RAD51B: variants seen among roughly 807,000 people sequenced by gnomAD.
The protein encoded by RAD51B is RAD51 paralog B.
In RAD51B, 38 loss-of-function variants were observed where a neutral mutation model predicts 42.2. The ratio of observed to expected loss-of-function variants is 0.90; its 90% confidence interval spans 0.70 to 1.18. The LOEUF (loss-of-function observed/expected upper bound fraction) is 1.18. RAD51B is among the 50% of genes most tolerant of loss of function. The pLI, the probability that RAD51B is intolerant of heterozygous loss-of-function variation, is 0.00. For synonymous variants in RAD51B, 154 were observed against 145.2 expected (o/e 1.06, Z -0.43); for missense variants, 373 against 400.7 (o/e 0.93, Z 0.59).
chr14:68,562,342 A>G (rs1455864648), intron 10 of RAD51B: 2 of 985,290 alleles, frequency 2.0e-6, no homozygotes, highest in East Asian at 1.1e-4. Flanking sequence ...ACAGGGTGAG[A>G]CAGGGAGTTT....
At chr14:68,062,392 G>A (rs908448594) in intron 7 of RAD51B, among the ~76,000 whole-genome samples, 13 of 152,128 alleles carry the variant, frequency 8.5e-5, no homozygotes, top group African/African-American at 2.7e-4. Flanking sequence ...TTGGTATCAG[G>A]GTAATGCTGG....
At chr14:68,550,211 A>G (rs1271325328) in intron 10 of RAD51B, among the ~76,000 whole-genome samples, 1 of 152,198 alleles carries the variant, frequency 6.6e-6, no homozygotes, top group Non-Finnish European at 1.5e-5. Context: ...CCTCCTGGAA[A>G]TGTGGACATG....
Position 68,564,813 on chromosome 14 carries a change from C to T in RAD51B, c.1037-29672C>T, listed in dbSNP as rs115053271. 9.4e-3 allele frequency among the ~76,000 whole-genome samples: 1,430 copies of T among 152,272 alleles called. 19 individuals carry two copies. Among genetic ancestry groups the T allele is most frequent in the African/African-American group, 0.032 (1,319 of 41,540 alleles). On this transcript the variant is annotated intron_variant, in intron 10 of 10. Transcript: ENST00000487270. ...GGCTGGCATCTCCCACTGAAAGAGCCGGGTCGCAGAGACACACTCAACAAG... is the reference window on the plus strand; with the variant it reads ...GGCTGGCATCTCCCACTGAAAGAGCTGGGTCGCAGAGACACACTCAACAAG...
intron 7 of RAD51B, among the ~76,000 whole-genome samples, chr14:67,896,684 G>A (rs1477861098): frequency 6.6e-6 from 1 of 152,080 alleles, no homozygotes; most frequent in Non-Finnish European, 1.5e-5. Flanking sequence ...TGAGAGTTTG[G>A]TCAAAGGATA....
intron 8 of RAD51B, among the ~76,000 whole-genome samples, chr14:68,407,002 C>A (rs2084294040): frequency 6.6e-6 from 1 of 152,168 alleles, no homozygotes; most frequent in Non-Finnish European, 1.5e-5. Context: ...AAGCTGTCAT[C>A]TCCTATGATA....
chr14:68,484,195 C>G (rs552604197), intron 10 of RAD51B, among the ~76,000 whole-genome samples: 75 of 152,280 alleles, frequency 4.9e-4, no homozygotes, highest in Admixed American at 4.9e-3. Flanking sequence ...CTCAAGTACA[C>G]AAGCTGCTTC....
At chr14:68,395,635 A>T (rs1416972329) in intron 8 of RAD51B, among the ~76,000 whole-genome samples, 1 of 152,134 alleles carries the variant, frequency 6.6e-6, no homozygotes, top group Non-Finnish European at 1.5e-5. Context: ...ATTTAGAGCC[A>T]GGGCTTCTGT....
chr14:68,187,976 A>G (rs2079190046), intron 7 of RAD51B, among the ~76,000 whole-genome samples: 1 of 151,956 alleles, frequency 6.6e-6, no homozygotes, highest in Non-Finnish European at 1.5e-5. Flanking sequence ...CACGATGGCC[A>G]GCTAATTTTT....
intron 7 of RAD51B, among the ~76,000 whole-genome samples, chr14:68,030,754 G>A (rs1177188308): frequency 1.3e-5 from 2 of 152,142 alleles, no homozygotes; most frequent in East Asian, 1.9e-4. Context: ...GTTTGGTGCA[G>A]GAAGCCTAGC....
At chr14:68,661,313 C>T (rs766897290) in intron 11 of RAD51B, among the ~76,000 whole-genome samples, 5 of 152,208 alleles carry the variant, frequency 3.3e-5, no homozygotes, top group Non-Finnish European at 7.3e-5. Flanking sequence ...AGGAGACAGA[C>T]CAGAGCAGTA....
At chr14:67,824,600 A>AT (rs568457286) in intron 2 of RAD51B, among the ~76,000 whole-genome samples, 14 of 149,974 alleles carry the variant, frequency 9.3e-5, no homozygotes, top group South Asian at 2.1e-4. Context: ...GCATTCTGCA[A>AT]TTTTTTTTTT....
chr14:68,120,813 A>T (rs1180241554), intron 7 of RAD51B, among the ~76,000 whole-genome samples: 2 of 152,064 alleles, frequency 1.3e-5, no homozygotes, highest in African/African-American at 4.8e-5. Context: ...TTCATTAAGG[A>T]TTGGCAACTG....
chr14:68,662,241 A>T (rs1892947925), intron 11 of RAD51B, among the ~76,000 whole-genome samples: 1 of 152,214 alleles, frequency 6.6e-6, no homozygotes, highest in Admixed American at 6.5e-5. Context: ...CAGTCAACAC[A>T]CACCCCTGAG....
intron 7 of RAD51B, among the ~76,000 whole-genome samples, chr14:68,273,655 C>T (rs2081164793): frequency 6.6e-6 from 1 of 152,106 alleles, no homozygotes. Context: ...CCTGGCAACC[C>T]TGATTAGGTT....
At chr14:68,349,448 C>G (rs1254417667) in intron 8 of RAD51B, among the ~76,000 whole-genome samples, 1 of 152,102 alleles carries the variant, frequency 6.6e-6, no homozygotes, top group Non-Finnish European at 1.5e-5. Context: ...CTCACTGCAA[C>G]CTCCGCCTCC....
At chr14:68,563,284 C>T (rs888680268) in intron 10 of RAD51B, 3 of 985,408 alleles carry the variant, frequency 3.0e-6, no homozygotes, top group Non-Finnish European at 3.6e-6. Flanking sequence ...TGGGCCAAGC[C>T]GAGCCTGCAA....
intron 7 of RAD51B, among the ~76,000 whole-genome samples, chr14:68,134,144 A>T (rs1351072880): frequency 1.3e-5 from 2 of 152,188 alleles, no homozygotes; most frequent in East Asian, 3.8e-4. Context: ...GGTAACCGTG[A>T]ATCTGTTCTC....
chr14:68,098,395 G>T (rs1347072650), intron 7 of RAD51B, among the ~76,000 whole-genome samples: 2 of 152,210 alleles, frequency 1.3e-5, no homozygotes, highest in Non-Finnish European at 2.9e-5. Flanking sequence ...TACAATGTTG[G>T]GTAGCATTAT....
At chr14:68,059,654 A>T (rs2076538052) in intron 7 of RAD51B, among the ~76,000 whole-genome samples, 1 of 152,218 alleles carries the variant, frequency 6.6e-6, no homozygotes. Context: ...TTCCCTGGCC[A>T]AAAGTAGTTT....
Sources: gnomAD v4.1 joint callset for allele counts (sites outside exome capture counted in the v4.1 genomes callset) on GRCh38, gnomAD v4.1.1 for gene constraint, MANE v1.5 for transcripts, NCBI Gene and HGNC (gene_info 2026-07-23, HGNC 2026-07-21) for gene names.